TMPRSS15: variants seen among roughly 807,000 people sequenced by gnomAD.
The protein encoded by TMPRSS15 is transmembrane serine protease 15.
A neutral mutation model predicts 125.3 loss-of-function variants in TMPRSS15; 128 were observed. The observed-to-expected ratio is 1.02, with a 90% CI of 0.89 to 1.18. The LOEUF (loss-of-function observed/expected upper bound fraction) is 1.18, where lower values mean the gene tolerates loss of function less well. TMPRSS15 is among the 50% of genes most tolerant of loss of function. The pLI is 0.00. For missense variants in TMPRSS15, 1,283 were observed against 1,212.7 expected, an observed-to-expected ratio of 1.06 and a Z score of -0.86; for synonymous variants, 446 against 423.2, an observed-to-expected ratio of 1.05 and a Z score of -0.66.
intron 1 of TMPRSS15, among the ~76,000 whole-genome samples, chr21:18,428,873 G>C (rs906699502): frequency 1.3e-5 from 2 of 152,210 alleles, no homozygotes; most frequent in African/African-American, 2.4e-5. Flanking sequence ...TGTGAGAAGA[G>C]AGTCACTTTC....
intron 1 of TMPRSS15, among the ~76,000 whole-genome samples, chr21:18,413,584 CT>C (rs141469767): frequency 0.1 from 13,865 of 135,906 alleles, 1,215 homozygotes; most frequent in African/African-American, 0.25. Context: ...ACCTGGCTAA[CT>C]TTTTTTTTTT....
chr21:18,326,183 C>T (rs1294116808), intron 16 of TMPRSS15, among the ~76,000 whole-genome samples: 1 of 152,098 alleles, frequency 6.6e-6, no homozygotes, highest in African/African-American at 2.4e-5. Flanking sequence ...GAACAAAATT[C>T]AACACTCCTT....
At chr21:18,438,042 C>A (rs2071812630) in intron 1 of TMPRSS15, among the ~76,000 whole-genome samples, 1 of 151,556 alleles carries the variant, frequency 6.6e-6, no homozygotes, top group South Asian at 2.1e-4. Flanking sequence ...TTTACTGAGG[C>A]ACTATTCACA....
intron 3 of TMPRSS15, among the ~76,000 whole-genome samples, chr21:18,391,609 C>A (rs1415637511): frequency 6.6e-6 from 1 of 152,214 alleles, no homozygotes; most frequent in Admixed American, 6.5e-5. Flanking sequence ...GCTTTCACAG[C>A]TGGCATTGAG....
At chr21:18,407,005 A>C (rs774610572), upstream of TMPRSS15, among the ~76,000 whole-genome samples, 3 of 152,182 alleles carry the variant, frequency 2.0e-5, no homozygotes, top group Admixed American at 6.5e-5. Flanking sequence ...AATAAAACAA[A>C]ATTATATGCA....
At chr21:18,426,998 G>A (rs930983570) in intron 1 of TMPRSS15, among the ~76,000 whole-genome samples, 2 of 152,188 alleles carry the variant, frequency 1.3e-5, no homozygotes, top group African/African-American at 4.8e-5. Flanking sequence ...GGTTTAGAGT[G>A]ATTAATCCCT....
At chr21:18,376,698 C>A (rs1403086604) in intron 5 of TMPRSS15, among the ~76,000 whole-genome samples, 1 of 152,142 alleles carries the variant, frequency 6.6e-6, no homozygotes, top group African/African-American at 2.4e-5. Context: ...ATTGCCAAAA[C>A]ACCCCCTCTA....
At chr21:18,360,527 G>A (rs890743157) in intron 7 of TMPRSS15, among the ~76,000 whole-genome samples, 4 of 152,092 alleles carry the variant, frequency 2.6e-5, no homozygotes, top group East Asian at 1.9e-4. Context: ...AGGTCTTCTC[G>A]ATATCATTTG....
chr21:18,325,418 G>T (rs2075278579), intron 16 of TMPRSS15, among the ~76,000 whole-genome samples: 1 of 152,064 alleles, frequency 6.6e-6, no homozygotes. Flanking sequence ...CTGCCATAAA[G>T]ATTAAGGCAG....
At chr21:18,274,851 G>T (rs760830686) in intron 24 of TMPRSS15, among the ~76,000 whole-genome samples, 11 of 152,108 alleles carry the variant, frequency 7.2e-5, no homozygotes, top group Non-Finnish European at 1.5e-4. Flanking sequence ...TTTGCATGGG[G>T]TTTAAAATAA....
intron 23 of TMPRSS15, among the ~76,000 whole-genome samples, chr21:18,278,437 A>G (rs1240260227): frequency 6.6e-6 from 1 of 152,030 alleles, no homozygotes; most frequent in Admixed American, 6.6e-5. Flanking sequence ...ACAAATATAT[A>G]GGCTGGGCGC....
intron 8 of TMPRSS15, among the ~76,000 whole-genome samples, chr21:18,356,032 T>C (rs1402976364): frequency 6.6e-6 from 1 of 151,922 alleles, no homozygotes; most frequent in Non-Finnish European, 1.5e-5. Flanking sequence ...TCACAACTGA[T>C]AAATTTTTAG....
upstream of TMPRSS15, among the ~76,000 whole-genome samples, chr21:18,404,013 C>T (rs559985129): frequency 1.3e-5 from 2 of 152,262 alleles, no homozygotes; most frequent in South Asian, 2.1e-4. Flanking sequence ...TAGGCACATG[C>T]ATCTGATATT....
intron 16 of TMPRSS15, among the ~76,000 whole-genome samples, chr21:18,321,506 C>T (rs191697380): frequency 0.015 from 2,332 of 151,942 alleles, 34 homozygotes; most frequent in Non-Finnish European, 0.019. Context: ...GTGCCTGCCA[C>T]CACGCCCAGC....
intron 16 of TMPRSS15, among the ~76,000 whole-genome samples, chr21:18,317,765 ATCCC>A (rs2075183079): frequency 5.5e-5 from 4 of 72,552 alleles, no homozygotes; most frequent in Non-Finnish European, 1.2e-4. Flanking sequence ...TTCCCATCCC[ATCCC>A]ATCCCATCCC....
chr21:18,358,155 A>G (rs1329911870), intron 8 of TMPRSS15, among the ~76,000 whole-genome samples: 1 of 151,808 alleles, frequency 6.6e-6, no homozygotes, highest in Non-Finnish European at 1.5e-5. Flanking sequence ...TACCCTAACC[A>G]TGTGAAAATA....
intron 22 of TMPRSS15, among the ~76,000 whole-genome samples, chr21:18,280,286 T>A (rs956209570): frequency 6.6e-6 from 1 of 151,974 alleles, no homozygotes; most frequent in Admixed American, 6.6e-5. Context: ...AAAAACTTCA[T>A]CCTATGAAGG....
At position 18,403,543 on chromosome 21, in the gene TMPRSS15, AT is replaced by A; in HGVS notation, c.79del (p.Ile27TyrfsTer3). On this transcript the variant is annotated frameshift_variant, in exon 1 of 25. Coordinates refer to ENST00000284885, the MANE Select transcript of TMPRSS15 (RefSeq NM_002772.3). LOFTEE classifies it high-confidence loss of function. ...TAATCCAGCACAGAGCACTACCAAT[AT>A]GGCAAAGAGAGCTGCAAACATGATT... ...YEIMFAALFA[I>X]LVVLCAGLIA... 6.2e-7 allele frequency: 1 copy of A among 1,614,190 alleles called. No homozygotes were observed. Among genetic ancestry groups the A allele is most frequent in the South Asian group, 1.1e-5 (1 of 91,076 alleles).
chr21:18,305,355 A>AT (rs960291373), intron 18 of TMPRSS15, among the ~76,000 whole-genome samples: 3 of 151,088 alleles, frequency 2.0e-5, no homozygotes, highest in Non-Finnish European at 3.0e-5. Context: ...CGCCCGGCTA[A>AT]TTTTTTGTAT....
Sources: allele counts gnomAD v4.1 joint callset (sites outside exome capture counted in the v4.1 genomes callset), GRCh38; gene constraint gnomAD v4.1.1; transcripts MANE v1.5; gene names NCBI Gene and HGNC (gene_info 2026-07-23, HGNC 2026-07-21).